Variants in PGGT1B observed in about 807,000 individuals in gnomAD.
The protein encoded by PGGT1B is geranylgeranyl transferase type-1 subunit beta.
Under a neutral mutation model 46.1 loss-of-function variants are expected in PGGT1B, and 30 were observed. The observed-to-expected ratio is 0.65, with a 90% CI of 0.49 to 0.88. PGGT1B has a LOEUF of 0.88. PGGT1B is among the 40% of genes least tolerant of loss of function. The probability of loss-of-function intolerance (pLI) is 0.00; values close to 1 mark genes in which losing one functional copy is unlikely to be tolerated. For synonymous variants in PGGT1B, 170 were observed against 160.0 expected (o/e 1.06, Z -0.47); for missense variants, 376 against 455.9 (o/e 0.82, Z 1.60).
At chr5:115,215,296 A>ATTTAT (rs1382952608) in intron 8 of PGGT1B, among the ~76,000 whole-genome samples, 1 of 146,414 alleles carries the variant, frequency 6.8e-6, no homozygotes, top group African/African-American at 2.6e-5. Context: ...GCACCCGGCC[A>ATTTAT]TTTATTTTAT....
rs1305276491 is a variant in PGGT1B, at chr5:115,204,501, C to CG, written c.*7900_*7901insC. 1 of 152,114 alleles carries CG rather than the reference C, an allele frequency of 6.6e-6. No individual in the cohort carries two copies. The highest frequency in any genetic ancestry group is 1.5e-5 in the Non-Finnish European group (1 of 68,012). The allele number at this position is 152,114 out of a possible 1,614,324, so 9.4% of individuals were successfully genotyped here. ...GCACATATAAAGAATTAACCTCCCC[C>CG]CAAACTTATTAGAACTTGATTTCCA... On this transcript the variant is annotated 3_prime_UTR_variant, in exon 9 of 9. Coordinates refer to ENST00000419445, the MANE Select transcript of PGGT1B (RefSeq NM_005023.4).
chr5:115,235,882 A>G (rs1757165479), intron 5 of PGGT1B, among the ~76,000 whole-genome samples: 1 of 152,160 alleles, frequency 6.6e-6, no homozygotes, highest in Non-Finnish European at 1.5e-5. Flanking sequence ...TATAAAATGA[A>G]AAACTTCATA....
chr5:115,219,041 C>T (rs1224951396), intron 7 of PGGT1B, among the ~76,000 whole-genome samples: 2 of 151,970 alleles, frequency 1.3e-5, no homozygotes, highest in South Asian at 2.1e-4. Flanking sequence ...AAGGGATCTA[C>T]AGATTCAATG....
At position 115,220,667 on chromosome 5, in the gene PGGT1B, C is replaced by T. The variant is rs546325294; in HGVS notation, c.843+1157G>A. Among the ~76,000 whole-genome samples the T allele has an allele frequency of 1.2e-3, 176 of 151,770 alleles. 1 individual carries two copies. The highest frequency in any genetic ancestry group is 7.7e-3 in the South Asian group (37 of 4,810). On this transcript the variant is annotated intron_variant, in intron 7 of 8. Coordinates refer to ENST00000419445, the MANE Select transcript of PGGT1B (RefSeq NM_005023.4). ...GGAGAGATAATTGGATATTACATGCCTCTTGATGTGATACAATAGGAAATA... is the reference window on the plus strand; with the variant it reads ...GGAGAGATAATTGGATATTACATGCTTCTTGATGTGATACAATAGGAAATA...
chr5:115,211,156 T>C lies in PGGT1B; in HGVS notation c.*1246A>G, dbSNP rs1314464604. ...CCAACTCCTTTAGTGAAGAGATTTC[T>C]TTCCCCATTTCAGTACTAGACGCAA... is the stretch of plus-strand genomic sequence containing the variant. On this transcript the variant is annotated 3_prime_UTR_variant, in exon 9 of 9. Coordinates refer to ENST00000419445, the MANE Select transcript of PGGT1B (RefSeq NM_005023.4). 6.6e-6 allele frequency: 1 copy of C among 152,112 alleles called. No homozygotes were observed. The highest frequency in any genetic ancestry group is 2.4e-5 in the African/African-American group (1 of 41,462). The allele number at this position is 152,112 out of a possible 1,614,324, so 9.4% of individuals were successfully genotyped here. A position where few individuals can be genotyped will look rare whatever the true frequency, so the allele number is the denominator to read the frequency against.
chr5:115,207,386 A>G lies in PGGT1B; in HGVS notation c.*5016T>C, dbSNP rs1342407558. The G allele has an allele frequency of 2.6e-5, 4 of 151,712 alleles. No homozygotes were observed. Among genetic ancestry groups the G allele is most frequent in the Non-Finnish European group, 5.9e-5 (4 of 67,808 alleles). 9.4% of individuals were successfully genotyped at this position (151,712 alleles called of 1,614,324 possible). ...CAGAGTCTCCCTTGTACCCTCTTTC[A>G]GTCCTACTGAGTTAAAGCCAGTTGA... is the stretch of plus-strand genomic sequence containing the variant. On this transcript the variant is annotated 3_prime_UTR_variant, in exon 9 of 9. Transcript: ENST00000419445.
intron 1 of PGGT1B, among the ~76,000 whole-genome samples, chr5:115,255,249 G>A (rs1260015343): frequency 6.6e-6 from 1 of 152,018 alleles, no homozygotes; most frequent in Non-Finnish European, 1.5e-5. Flanking sequence ...ATAGACTCTT[G>A]GTTGTAACCA....
chr5:115,257,222 C>T (rs1484282458), intron 1 of PGGT1B, among the ~76,000 whole-genome samples: 1 of 151,948 alleles, frequency 6.6e-6, no homozygotes, highest in African/African-American at 2.4e-5. Flanking sequence ...TAAATAAGAA[C>T]AACAAGAAGG....
At chr5:115,259,372 A>G (rs552438319) in intron 1 of PGGT1B, among the ~76,000 whole-genome samples, 1 of 152,220 alleles carries the variant, frequency 6.6e-6, no homozygotes, top group African/African-American at 2.4e-5. Context: ...ACTTTGAAAG[A>G]TGTACTGCTA....
rs1184821086 is a variant in PGGT1B, at chr5:115,207,508, A to G, written c.*4894T>C. ...TGACAGCACTTACCTTTGGGAAGAG[A>G]GGTAGTGACTGAAAGAGGGTGCTGA... On this transcript the variant is annotated 3_prime_UTR_variant, in exon 9 of 9. Transcript: ENST00000419445. The G allele has an allele frequency of 1.3e-5, 2 of 151,930 alleles. No individual in the cohort carries two copies. Among genetic ancestry groups the G allele is most frequent in the Admixed American group, 1.3e-4 (2 of 15,224 alleles). The allele number at this position is 151,930 out of a possible 1,614,324, so 9.4% of individuals were successfully genotyped here.
At position 115,212,343 on chromosome 5, in the gene PGGT1B, T is replaced by A; in HGVS notation, c.*59A>T. 1 of 1,606,556 alleles carries A rather than the reference T, an allele frequency of 6.2e-7. No individual in the cohort carries two copies. The highest frequency in any genetic ancestry group is 2.2e-5 in the East Asian group (1 of 44,694). On this transcript the variant is annotated 3_prime_UTR_variant, in exon 9 of 9. Transcript: ENST00000419445. ...AAGAGCACACTTGGTTATACATGGC[T>A]TTTAAACTTGAGCTACAGTTATGCT...
Position 115,211,283 on chromosome 5 carries a change from T to C in PGGT1B, c.*1119A>G, listed in dbSNP as rs532553934. 1 of 152,002 alleles carries C rather than the reference T, an allele frequency of 6.6e-6. No homozygotes were observed. Among genetic ancestry groups the C allele is most frequent in the African/African-American group, 2.4e-5 (1 of 41,448 alleles). 9.4% of individuals were successfully genotyped at this position (152,002 alleles called of 1,614,324 possible). A position where few individuals can be genotyped will look rare whatever the true frequency, so the allele number is the denominator to read the frequency against. On this transcript the variant is annotated 3_prime_UTR_variant, in exon 9 of 9. Transcript: ENST00000419445. ...ACCTCCTTTATAATTAGCTAGTTCA[T>C]AGACTTAAAACAAAACAATGAACAA...
chr5:115,235,994 C>T lies in PGGT1B; in HGVS notation c.612+396G>A, dbSNP rs114632010. Among the ~76,000 whole-genome samples, 434 of 152,112 alleles carry T rather than the reference C, an allele frequency of 2.9e-3. 1 individual carries two copies. The highest frequency in any genetic ancestry group is 9.7e-3 in the African/African-American group (403 of 41,536). ...TAGTTCTGGCTAAGACTAAGCTTTC[C>T]TTACTAATGCCAATAAAAAGATGAG... On this transcript the variant is annotated intron_variant, in intron 5 of 8. Coordinates refer to ENST00000419445, the MANE Select transcript of PGGT1B (RefSeq NM_005023.4).
chr5:115,254,196 T>C (rs146532152), intron 1 of PGGT1B, among the ~76,000 whole-genome samples: 175 of 152,180 alleles, frequency 1.1e-3, no homozygotes, highest in South Asian at 0.011. Context: ...TTTACTTCTC[T>C]CCTGTGCATC....
chr5:115,215,029 C>T (rs143001311), intron 8 of PGGT1B, among the ~76,000 whole-genome samples: 3,984 of 152,290 alleles, frequency 0.026, 104 homozygotes, highest in Middle Eastern at 0.071. Flanking sequence ...GACAGAGTCT[C>T]GCTCTGTCGC....
At chr5:115,260,243 G>A (rs1489913913) in intron 1 of PGGT1B, among the ~76,000 whole-genome samples, 2 of 152,176 alleles carry the variant, frequency 1.3e-5, no homozygotes, top group African/African-American at 4.8e-5. Flanking sequence ...CCAAAATGGT[G>A]AATCTGAAAA....
At chr5:115,220,537 C>T (rs759619032) in intron 7 of PGGT1B, among the ~76,000 whole-genome samples, 16 of 151,916 alleles carry the variant, frequency 1.1e-4, no homozygotes, top group South Asian at 2.1e-4. Context: ...GATTACACAA[C>T]ATTGTAAATG....
chr5:115,253,022 C>A, intron 2 of PGGT1B, 115 bp downstream of exon 2: 2 of 888,714 alleles, frequency 2.3e-6, no homozygotes, highest in East Asian at 2.7e-5. Flanking sequence ...ACAACAAAAT[C>A]ACAGATAAAT....
Position 115,204,877 on chromosome 5 carries a change from C to T in PGGT1B, c.*7525G>A, listed in dbSNP as rs1486057532. 6.6e-6 allele frequency: 1 copy of T among 152,142 alleles called. No homozygotes were observed. Among genetic ancestry groups the T allele is most frequent in the Non-Finnish European group, 1.5e-5 (1 of 68,012 alleles). 9.4% of individuals were successfully genotyped at this position (152,142 alleles called of 1,614,324 possible). A position where few individuals can be genotyped will look rare whatever the true frequency, so the allele number is the denominator to read the frequency against. On this transcript the variant is annotated 3_prime_UTR_variant, in exon 9 of 9. Transcript: ENST00000419445. ...CAGTCATAAAAGTGAAAAGCATCTTCTGATTATTTCCACAAGTTAACCACT... is the reference window on the plus strand; with the variant it reads ...CAGTCATAAAAGTGAAAAGCATCTTTTGATTATTTCCACAAGTTAACCACT...
Sources: allele counts gnomAD v4.1 joint callset (sites outside exome capture counted in the v4.1 genomes callset), GRCh38; gene constraint gnomAD v4.1.1; transcripts MANE v1.5; gene names NCBI Gene and HGNC (gene_info 2026-07-23, HGNC 2026-07-21).